The following VAC14 variants were observed in gnomAD, a reference collection of about 807,000 sequenced individuals.
VAC14 encodes the protein VAC14 component of PIKFYVE complex.
In VAC14, 47 loss-of-function variants were observed where a neutral mutation model predicts 85.3. The observed-to-expected ratio is 0.55, with a 90% CI of 0.44 to 0.70. The LOEUF is 0.70. VAC14 is among the 30% of genes least tolerant of loss of function. VAC14 has a pLI of 0.00. For synonymous variants in VAC14, 447 were observed against 430.5 expected (o/e 1.04, Z -0.47); for missense variants, 861 against 1,004.3 (o/e 0.86, Z 1.93).
Position 70,718,615 on chromosome 16 carries a change from G to A in VAC14, c.1661+12880C>T, listed in dbSNP as rs2054219191. Among the ~76,000 whole-genome samples the A allele has an allele frequency of 5.9e-5, 9 of 151,958 alleles. No individual in the cohort carries two copies. In the South Asian group the frequency reaches 1.9e-3, roughly 32 times the overall value. On this transcript the variant is annotated intron_variant, in intron 14 of 18. Coordinates refer to ENST00000261776, the MANE Select transcript of VAC14 (RefSeq NM_018052.5). Reference sequence around the variant, plus strand: ...AAAAAACAAAGAAAACTGTGCTTGGGAAGGCAGCCACATGGCCAGCCCCTG... The same window carrying A: ...AAAAAACAAAGAAAACTGTGCTTGGAAAGGCAGCCACATGGCCAGCCCCTG...
intron 14 of VAC14, chr16:70,715,913 G>C (rs1356782597): frequency 2.0e-5 from 3 of 152,220 alleles, no homozygotes; most frequent in Non-Finnish European, 4.4e-5. Flanking sequence ...TCCTCAGTAA[G>C]CATTTTCAAC....
At chr16:70,750,528 G>T (rs2031296954) in intron 12 of VAC14, among the ~76,000 whole-genome samples, 1 of 152,168 alleles carries the variant, frequency 6.6e-6, no homozygotes, top group African/African-American at 2.4e-5. Flanking sequence ...AAGGGTCAGG[G>T]TTGGTGGCAC....
chr16:70,789,546 G>A (rs376486885), intron 1 of VAC14, among the ~76,000 whole-genome samples: 3 of 152,198 alleles, frequency 2.0e-5, no homozygotes, highest in East Asian at 1.9e-4. Context: ...CCTGCCACGC[G>A]GGAGGCCCGG....
chr16:70,762,708 G>A lies in VAC14; in HGVS notation c.1306-103C>T, dbSNP rs952985312. 24 of 1,483,588 alleles carry A rather than the reference G, an allele frequency of 1.6e-5. No individual in the cohort carries two copies. The highest frequency in any genetic ancestry group is 1.8e-4 in the Middle Eastern group (1 of 5,424). The allele number at this position is 1,483,588 out of a possible 1,614,324, so 91.9% of individuals were successfully genotyped here. A position where few individuals can be genotyped will look rare whatever the true frequency, so the allele number is the denominator to read the frequency against. On this transcript the variant is annotated intron_variant, in intron 11 of 18. Transcript: ENST00000261776. The surrounding 1 kb of genome is among the most constrained non-coding windows in gnomAD (Gnocchi z 4.1). ...TGTGCACGGACCCACTGGTCTGCAC[G>A]GACCACTTCCCTCCCCGACACAATG...
chr16:70,719,111 G>A (rs566981064), intron 14 of VAC14, among the ~76,000 whole-genome samples: 3 of 152,306 alleles, frequency 2.0e-5, no homozygotes, highest in Admixed American at 6.5e-5. Context: ...CTGGCAGGTC[G>A]GGAGGGCTGG....
chr16:70,688,572 C>T (rs867958281), intron 18 of VAC14: 2 of 985,740 alleles, frequency 2.0e-6, no homozygotes, highest in Non-Finnish European at 2.4e-6. Flanking sequence ...CTTGGCAGGA[C>T]ATTTGTTTTT....
chr16:70,746,560 G>C (rs1253559176), intron 12 of VAC14, among the ~76,000 whole-genome samples: 2 of 152,220 alleles, frequency 1.3e-5, no homozygotes, highest in Non-Finnish European at 1.5e-5. Flanking sequence ...AGGAGCAAGG[G>C]GTGCCCCTCC....
chr16:70,726,870 G>A (rs550894748), intron 14 of VAC14, among the ~76,000 whole-genome samples: 4 of 152,314 alleles, frequency 2.6e-5, no homozygotes, highest in Non-Finnish European at 4.4e-5. Flanking sequence ...AGAAAAGGAG[G>A]CTGTGTGGAC....
chr16:70,781,715 TC>T (rs1288647756), intron 8 of VAC14, among the ~76,000 whole-genome samples, 153 bp downstream of exon 8: 1 of 152,092 alleles, frequency 6.6e-6, no homozygotes, highest in East Asian at 1.9e-4. Flanking sequence ...GCTTTCCTAA[TC>T]CACGTTTGGC....
chr16:70,752,356 G>A (rs1042810260), intron 12 of VAC14, among the ~76,000 whole-genome samples: 1 of 152,252 alleles, frequency 6.6e-6, no homozygotes, highest in Non-Finnish European at 1.5e-5. Flanking sequence ...CCTCAGGTAA[G>A]ACACCTTTGA....
intron 14 of VAC14, 126 bp downstream of exon 14, chr16:70,731,369 C>T (rs2054584614): frequency 6.6e-7 from 1 of 1,505,478 alleles, no homozygotes; most frequent in African/African-American, 1.4e-5. Flanking sequence ...TCTTACAGAT[C>T]CAAAGGTCAG....
intron 13 of VAC14, among the ~76,000 whole-genome samples, chr16:70,742,995 A>G (rs1326620580): frequency 6.6e-6 from 1 of 151,790 alleles, no homozygotes; most frequent in Non-Finnish European, 1.5e-5. Flanking sequence ...AACACTAGCT[A>G]AAGGACTGTA....
chr16:70,710,695 G>A (rs944456027), intron 14 of VAC14, among the ~76,000 whole-genome samples: 2 of 152,214 alleles, frequency 1.3e-5, no homozygotes, highest in Non-Finnish European at 2.9e-5. Context: ...GTCGGTGCTG[G>A]ACCAAGACAC....
chr16:70,696,385 C>T (rs1027030882), intron 16 of VAC14, among the ~76,000 whole-genome samples: 22 of 152,240 alleles, frequency 1.4e-4, no homozygotes, highest in African/African-American at 1.2e-4. Context: ...TGGTGGTGAA[C>T]GCCTGTAATC....
At chr16:70,745,518 T>TGTGCGC (rs374204849) in intron 12 of VAC14, among the ~76,000 whole-genome samples, 39 of 141,020 alleles carry the variant, frequency 2.8e-4, no homozygotes, top group African/African-American at 1.0e-3. Context: ...TGTGTGTGTG[T>TGTGCGC]GCGCGTGTGC....
chr16:70,695,020 T>C (rs994102477), intron 17 of VAC14, among the ~76,000 whole-genome samples: 2 of 152,062 alleles, frequency 1.3e-5, no homozygotes, highest in African/African-American at 4.8e-5. Flanking sequence ...TCCAGGAGAC[T>C]CACTGTGAGG....
chr16:70,752,377 C>G (rs1044830047), intron 12 of VAC14, among the ~76,000 whole-genome samples: 4 of 152,238 alleles, frequency 2.6e-5, no homozygotes, highest in African/African-American at 7.2e-5. Context: ...GACCAGATCC[C>G]TGACCTCCGT....
intron 10 of VAC14, among the ~76,000 whole-genome samples, chr16:70,765,007 C>A (rs1010630511): frequency 2.9e-4 from 44 of 152,196 alleles, no homozygotes; most frequent in African/African-American, 1.0e-3. Context: ...AATCCCCTGG[C>A]TAGAGAAGCT....
At chr16:70,713,186 G>C (rs2054073937) in intron 14 of VAC14, among the ~76,000 whole-genome samples, 1 of 152,206 alleles carries the variant, frequency 6.6e-6, no homozygotes, top group Admixed American at 6.5e-5. Flanking sequence ...AGGCAGGAGT[G>C]CCTACTACAG....
Sources: allele counts gnomAD v4.1 joint callset (sites outside exome capture counted in the v4.1 genomes callset), GRCh38; gene constraint gnomAD v4.1.1; non-coding constraint Gnocchi (gnomAD v3.1); transcripts MANE v1.5; gene names NCBI Gene and HGNC (gene_info 2026-07-23, HGNC 2026-07-21).